Variants in LRRC43 observed in about 807,000 individuals in gnomAD.
LRRC43 encodes leucine-rich repeat-containing protein 43.
In LRRC43, 62 loss-of-function variants were observed where a neutral mutation model predicts 64.3. The ratio of observed to expected loss-of-function variants is 0.96; its 90% CI spans 0.79 to 1.19. The LOEUF is 1.19. Among genes scored for constraint, LRRC43 ranks in the 50% most tolerant of loss-of-function variants. The pLI, the probability that LRRC43 is intolerant of heterozygous loss-of-function variation, is 0.00. For synonymous variants in LRRC43, 422 were observed against 382.3 expected (o/e 1.10, Z -1.21); for missense variants, 868 against 845.0 (o/e 1.03, Z -0.34).
At chr12:122,199,278 C>CTTTTTTTTTTTTT (rs1165454881) in intron 7 of LRRC43, among the ~76,000 whole-genome samples, 2 of 86,154 alleles carry the variant, frequency 2.3e-5, no homozygotes, top group Non-Finnish European at 2.2e-5. Flanking sequence ...ATTGTTTCAG[C>CTTTTTTTTTTTTT]TTTTTTTTTT....
chr12:122,188,003 G>T, intron 4 of LRRC43, 163 bp downstream of exon 4: 1 of 702,206 alleles, frequency 1.4e-6, no homozygotes, highest in Non-Finnish European at 2.3e-6. Flanking sequence ...CCCCTTCAGT[G>T]GGATTTTGTA....
chr12:122,184,505 C>T lies in LRRC43; in HGVS notation c.151-14C>T. ...GTGTCACACCTACAGAAAATCCCTC[C>T]TCTGCCACTGCAGAATAAGTCGCGC... On this transcript the variant is annotated splice_polypyrimidine_tract_variant and intron_variant, in intron 1 of 11. Coordinates refer to ENST00000339777, the MANE Select transcript of LRRC43 (RefSeq NM_001098519.2). The surrounding 1 kb of genome is among the most constrained non-coding windows in gnomAD (Gnocchi z 4.0). 4.3e-6 allele frequency: 7 copies of T among 1,611,290 alleles called. No homozygotes were observed. The highest frequency in any genetic ancestry group is 1.1e-5 in the South Asian group (1 of 90,554).
intron 4 of LRRC43, among the ~76,000 whole-genome samples, chr12:122,189,810 C>T (rs1039760843): frequency 1.2e-4 from 18 of 152,238 alleles, no homozygotes; most frequent in African/African-American, 4.3e-4. Context: ...TGCAGAGCCT[C>T]CTAGACGCAC....
At chr12:122,196,217 A>G (rs1953771543) in intron 7 of LRRC43, among the ~76,000 whole-genome samples, 1 of 152,234 alleles carries the variant, frequency 6.6e-6, no homozygotes, top group African/African-American at 2.4e-5. Context: ...CTAGTCTACC[A>G]CGTCCTAAAA....
chr12:122,200,299 CG>C lies in LRRC43; in HGVS notation c.1464del (p.Thr489ProfsTer3). The C allele has an allele frequency of 6.2e-7, 1 of 1,612,074 alleles. No homozygotes were observed. ...GTCCCACTGAAGGCCTTCCTGCTGG[CG>C]GGGACCACCGTGACCATCGTGGAGG... ...DLVPLKAFLL[A>X]GTTVTIVEEK... On this transcript the variant is annotated frameshift_variant, in exon 8 of 12. Transcript: ENST00000339777. LOFTEE classifies it high-confidence loss of function. The surrounding 1 kb of genome is among the most constrained non-coding windows in gnomAD (Gnocchi z 4.6).
At chr12:122,176,525 C>CTTTTG (rs144118581) in intron 1 of LRRC43, among the ~76,000 whole-genome samples, 99,858 of 147,826 alleles carry the variant, frequency 0.68, 33,705 homozygotes, top group East Asian at 0.78. Context: ...ATTGTTTTGT[C>CTTTTG]TTTTGTTTTG....
upstream of LRRC43, among the ~76,000 whole-genome samples, chr12:122,181,610 A>ATT (rs369940986): frequency 0.66 from 89,413 of 135,102 alleles, 29,664 homozygotes; most frequent in East Asian, 0.77. Context: ...TTTTGGATAA[A>ATT]TTTTTTTTTT....
intron 4 of LRRC43, 50 bp downstream of exon 4, chr12:122,187,890 G>A (rs752413135): frequency 1.3e-6 from 2 of 1,598,528 alleles, no homozygotes; most frequent in Non-Finnish European, 1.7e-6. Context: ...TAAGTATCAG[G>A]TTGGGGCGAT....
At chr12:122,201,209 CT>C in intron 10 of LRRC43, 86 bp from the exon 11 acceptor site, 1 of 1,353,814 alleles carries the variant, frequency 7.4e-7, no homozygotes. Context: ...CTGTCAGAGC[CT>C]TGGAGGAGGT....
rs1953599416 is a variant in LRRC43, at chr12:122,183,166, GAGTCCGAGTCCGAGTCTGA to G, written c.23_41del (p.Glu8GlyfsTer14). 3 of 1,551,332 alleles carry G rather than the reference GAGTCCGAGTCCGAGTCTGA, an allele frequency of 1.9e-6. No homozygotes were observed. Among genetic ancestry groups the G allele is most frequent in the Non-Finnish European group, 2.6e-6 (3 of 1,155,586 alleles). On this transcript the variant is annotated frameshift_variant, in exon 1 of 12. Transcript: ENST00000339777. LOFTEE classifies it high-confidence loss of function. Reference sequence around the variant, plus strand: ...GGCCATGGAGGCGTCGTACGAGTCCGAGTCCGAGTCCGAGTCTGAGGCCGGGCCTGGGACTCAGCGGCCC... The same window carrying G: ...GGCCATGGAGGCGTCGTACGAGTCCGGGCCGGGCCTGGGACTCAGCGGCCC...
intron 1 of LRRC43, among the ~76,000 whole-genome samples, chr12:122,168,383 A>G (rs1953458352): frequency 6.6e-6 from 1 of 151,480 alleles, no homozygotes; most frequent in Admixed American, 6.6e-5. Flanking sequence ...GGAGATTGTA[A>G]TGAGCCGAGA....
At position 122,183,159 on chromosome 12, in the gene LRRC43, C is replaced by G. The variant is rs762229916; in HGVS notation, c.15C>G (p.Tyr5Ter). 1.4e-5 allele frequency: 22 copies of G among 1,545,844 alleles called. No homozygotes were observed. The highest frequency in any genetic ancestry group is 1.8e-5 in the Non-Finnish European group (21 of 1,152,686). Residue 5 changes from tyrosine to a stop codon, truncating the protein, a stop_gained, in exon 1 of 12, where the codon TAC becomes TAG. Transcript: ENST00000339777. LOFTEE classifies it high-confidence loss of function. ...CGGCCCGGGCCATGGAGGCGTCGTA[C>G]GAGTCCGAGTCCGAGTCCGAGTCTG... MEAS[Y>*]ESESESESEA...
At chr12:122,176,460 C>T (rs1018275373) in intron 1 of LRRC43, among the ~76,000 whole-genome samples, 1 of 151,892 alleles carries the variant, frequency 6.6e-6, no homozygotes, top group African/African-American at 2.4e-5. Context: ...CAGTGCTGGG[C>T]GGCTTTCAGT....
chr12:122,190,428 G>T, intron 5 of LRRC43, 60 bp downstream of exon 5: 1 of 1,388,734 alleles, frequency 7.2e-7, no homozygotes, highest in Non-Finnish European at 1.0e-6. Context: ...GCGCCTGGCT[G>T]TGCCCCGCCC....
Sources: allele counts gnomAD v4.1 joint callset (sites outside exome capture counted in the v4.1 genomes callset), GRCh38; gene constraint gnomAD v4.1.1; non-coding constraint Gnocchi (gnomAD v3.1); transcripts MANE v1.5; gene names NCBI Gene and HGNC (gene_info 2026-07-23, HGNC 2026-07-21).